Variants in SLC35F4 observed in about 807,000 individuals in gnomAD.
The protein encoded by SLC35F4 is solute carrier family 35 member F4, also known as chromosome 14 open reading frame 36.
In SLC35F4, 24 loss-of-function variants were observed where a neutral mutation model predicts 44.2. The observed-to-expected ratio is 0.54, with a 90% CI of 0.39 to 0.76. The LOEUF (loss-of-function observed/expected upper bound fraction) is 0.76, where lower values mean the gene tolerates loss of function less well. SLC35F4 is among the 30% of genes least tolerant of loss of function. The probability of loss-of-function intolerance (pLI) is 0.00; values close to 1 mark genes in which losing one functional copy is unlikely to be tolerated. For missense variants in SLC35F4, 562 were observed against 586.1 expected, an observed-to-expected ratio of 0.96 and a Z score of 0.42; for synonymous variants, 238 against 223.6, an observed-to-expected ratio of 1.06 and a Z score of -0.57.
intron 1 of SLC35F4, among the ~76,000 whole-genome samples, chr14:57,925,700 A>C (rs1594629287): frequency 6.6e-6 from 1 of 151,760 alleles, no homozygotes; most frequent in East Asian, 1.9e-4. Context: ...TAACAGGTTA[A>C]TTTGTGTCAT....
At chr14:57,698,856 C>G (rs2075455666) in intron 1 of SLC35F4, among the ~76,000 whole-genome samples, 1 of 152,030 alleles carries the variant, frequency 6.6e-6, no homozygotes, top group Non-Finnish European at 1.5e-5. Flanking sequence ...AAACTCCTGA[C>G]CTCAGGAGAT....
chr14:57,661,081 T>C (rs879544027), intron 1 of SLC35F4, among the ~76,000 whole-genome samples: 1 of 152,194 alleles, frequency 6.6e-6, no homozygotes, highest in Non-Finnish European at 1.5e-5. Context: ...GGCAGACCAA[T>C]CCTGTGACCA....
intron 1 of SLC35F4, among the ~76,000 whole-genome samples, chr14:57,736,870 T>G (rs1451404459): frequency 6.6e-6 from 1 of 152,224 alleles, no homozygotes; most frequent in Non-Finnish European, 1.5e-5. Flanking sequence ...ATATTTCATT[T>G]GGAAAAATAC....
intron 1 of SLC35F4, among the ~76,000 whole-genome samples, chr14:57,705,325 C>G (rs2075645265): frequency 6.6e-6 from 1 of 152,106 alleles, no homozygotes; most frequent in Non-Finnish European, 1.5e-5. Context: ...TTATTTAGAA[C>G]AATACAAATA....
At chr14:57,636,995 C>A (rs896278834) in intron 1 of SLC35F4, among the ~76,000 whole-genome samples, 1 of 152,074 alleles carries the variant, frequency 6.6e-6, no homozygotes, top group Non-Finnish European at 1.5e-5. Flanking sequence ...CACAGCAGAA[C>A]CAGTTACAAG....
At chr14:57,769,352 A>C (rs529387228) in intron 1 of SLC35F4, among the ~76,000 whole-genome samples, 2 of 152,144 alleles carry the variant, frequency 1.3e-5, no homozygotes, top group Non-Finnish European at 2.9e-5. Context: ...TTTTCCTTGC[A>C]ACTGCCTCTA....
intron 1 of SLC35F4, among the ~76,000 whole-genome samples, chr14:57,646,362 G>A (rs1248555248): frequency 1.3e-5 from 2 of 152,194 alleles, no homozygotes; most frequent in African/African-American, 4.8e-5. Context: ...GAGGGTGTAT[G>A]TATGGAGGAA....
At chr14:57,815,476 G>A (rs1438341005) in intron 1 of SLC35F4, among the ~76,000 whole-genome samples, 1 of 152,130 alleles carries the variant, frequency 6.6e-6, no homozygotes, top group Non-Finnish European at 1.5e-5. Context: ...CTTACCATAG[G>A]TGAGTGTTTA....
In SLC35F4 at chr14:57,694,976, A is replaced by T. The variant is rs2075339500; in HGVS notation, c.104-100852T>A. Among the ~76,000 whole-genome samples the T allele has an allele frequency of 3.9e-5, 6 of 152,220 alleles. No individual in the cohort carries two copies. The South Asian group carries it at 1.2e-3, about 32-fold the overall frequency. On this transcript the variant is annotated intron_variant, in intron 1 of 7. Coordinates refer to ENST00000556826, the MANE Select transcript of SLC35F4 (RefSeq NM_001306087.2). ...ATAATATCATGTGTAAATAATGAGG[A>T]TTATTTATACATCCCTTCTTTACAC...
chr14:57,877,834 G>A (rs1025220321), intron 1 of SLC35F4, among the ~76,000 whole-genome samples: 1 of 151,634 alleles, frequency 6.6e-6, no homozygotes, highest in African/African-American at 2.4e-5. Flanking sequence ...ACAGGCTTAT[G>A]CCACCATACC....
Position 57,563,941 on chromosome 14 carries a change from T to TA in SLC35F4, c.*193dup, listed in dbSNP as rs1248375219. The TA allele has an allele frequency of 9.7e-6, 6 of 621,566 alleles. No individual in the cohort carries two copies. In the South Asian group the frequency reaches 1.1e-4, roughly 12 times the overall value. The allele number at this position is 621,566 out of a possible 1,614,324, so 38.5% of individuals were successfully genotyped here. A position where few individuals can be genotyped will look rare whatever the true frequency, so the allele number is the denominator to read the frequency against. On this transcript the variant is annotated 3_prime_UTR_variant, in exon 8 of 8. Transcript: ENST00000556826. ...CAGAACAAGGACAAATGTGTTTTAATAAAAAAATCCATTATGATTATTTAC... is the reference window on the plus strand; with the variant it reads ...CAGAACAAGGACAAATGTGTTTTAATAAAAAAAATCCATTATGATTATTTAC...
chr14:57,596,697 G>A (rs780079533), intron 1 of SLC35F4: 3 of 993,184 alleles, frequency 3.0e-6, no homozygotes, highest in Admixed American at 1.9e-5. Context: ...CTAAAAAGTT[G>A]GTAACTTGTG....
chr14:57,903,610 A>G (rs1889051419), intron 1 of SLC35F4, among the ~76,000 whole-genome samples: 1 of 152,182 alleles, frequency 6.6e-6, no homozygotes, highest in Non-Finnish European at 1.5e-5. Flanking sequence ...CCTTATAGAA[A>G]CTGTTTAGCC....
At chr14:57,657,668 A>G (rs1232353218) in intron 1 of SLC35F4, among the ~76,000 whole-genome samples, 1 of 152,068 alleles carries the variant, frequency 6.6e-6, no homozygotes. Flanking sequence ...GCAGATGGTT[A>G]TTCTCTACAC....
rs190211551 is a variant in SLC35F4 at position 57,571,296 on chromosome 14, A to C, written c.933+598T>G. Among the ~76,000 whole-genome samples the C allele has an allele frequency of 7.2e-5, 11 of 152,316 alleles. No homozygotes were observed. The East Asian group carries it at 2.1e-3, about 29-fold the overall frequency. ...ATTTTCTTTGATGACAGGGAACTCC[A>C]GTGGAGAAAAAAATGGTGGGTACCT... On this transcript the variant is annotated intron_variant, in intron 5 of 7. Coordinates refer to ENST00000556826, the MANE Select transcript of SLC35F4 (RefSeq NM_001306087.2).
At chr14:57,654,865 T>C (rs2073909219) in intron 1 of SLC35F4, among the ~76,000 whole-genome samples, 1 of 152,210 alleles carries the variant, frequency 6.6e-6, no homozygotes, top group African/African-American at 2.4e-5. Context: ...CAAACCATTA[T>C]AGGAAGCTGG....
At chr14:57,837,985 G>A (rs963038828) in intron 1 of SLC35F4, among the ~76,000 whole-genome samples, 3 of 152,034 alleles carry the variant, frequency 2.0e-5, no homozygotes, top group Non-Finnish European at 2.9e-5. Context: ...TCTACAACTT[G>A]AATATGAGTC....
chr14:57,961,977 A>G (rs1404752676), intron 1 of SLC35F4, among the ~76,000 whole-genome samples: 2 of 152,220 alleles, frequency 1.3e-5, no homozygotes, highest in Non-Finnish European at 2.9e-5. Flanking sequence ...CACCTGGAGC[A>G]GGGTACATGC....
chr14:57,708,600 G>T (rs907418020), intron 1 of SLC35F4, among the ~76,000 whole-genome samples: 3 of 152,166 alleles, frequency 2.0e-5, no homozygotes, highest in African/African-American at 7.2e-5. Context: ...AACTTGTTGG[G>T]AACTTGTAGG....
Sources: allele counts gnomAD v4.1 joint callset (sites outside exome capture counted in the v4.1 genomes callset), GRCh38; gene constraint gnomAD v4.1.1; transcripts MANE v1.5; gene names NCBI Gene and HGNC (gene_info 2026-07-23, HGNC 2026-07-21).